The following CLCN5 variants were observed in gnomAD, a reference collection of about 807,000 sequenced individuals.
The protein encoded by CLCN5 is Cl-/H+ antiporter 5, also known as H(+)/Cl(-) exchange transporter 5.
A neutral mutation model predicts 54.0 loss-of-function variants in CLCN5; 17 were observed. The observed-to-expected ratio is 0.31, with a 90% CI of 0.22 to 0.47. CLCN5 has a LOEUF of 0.47. Ranked by LOEUF, CLCN5 falls within the 20% of genes least tolerant of loss-of-function variation. CLCN5 has a pLI of 1.00. For synonymous variants in CLCN5, 222 were observed against 233.0 expected, an observed-to-expected ratio of 0.95 and a Z score of 0.43; for missense variants, 448 against 646.7, an observed-to-expected ratio of 0.69 and a Z score of 3.33.
intron 4 of CLCN5, among the ~76,000 whole-genome samples, chrX:50,056,451 C>T (rs1462290377): frequency 1.8e-5 from 2 of 111,408 alleles, no homozygotes; most frequent in African/African-American, 3.3e-5. Flanking sequence ...GGGAGTGGGG[C>T]GCTGTTTACT....
At position 50,099,201 on chromosome X, in the gene CLCN5, T is replaced by TA. The variant is rs1934349635; in HGVS notation, c.*6983dup. 1 of 112,099 alleles carries TA rather than the reference T, an allele frequency of 8.9e-6. No homozygotes were observed. The allele number at this position is 112,099 out of a possible 1,213,427, so 9.2% of individuals were successfully genotyped here. On this transcript the variant is annotated 3_prime_UTR_variant, in exon 15 of 15. Transcript: ENST00000376091. ...TTTTCACTTAGCACAGATTTGTAAT[T>TA]ATGCATGTAATAAAGCACAGCCTTA...
At chrX:49,996,242 A>G (rs782565524) in intron 3 of CLCN5, among the ~76,000 whole-genome samples, 2 of 112,090 alleles carry the variant, frequency 1.8e-5, no homozygotes, top group South Asian at 7.5e-4. Flanking sequence ...AGGATGAATT[A>G]CCAGTTTCTG....
intron 3 of CLCN5, among the ~76,000 whole-genome samples, chrX:49,980,314 A>G (rs916510520): frequency 5.4e-5 from 6 of 111,660 alleles, no homozygotes; most frequent in Non-Finnish European, 1.1e-4. Flanking sequence ...TGCTTTTTTA[A>G]AAGTATATTT....
At chrX:50,005,057 A>G (rs1474751010) in intron 3 of CLCN5, among the ~76,000 whole-genome samples, 2 of 112,158 alleles carry the variant, frequency 1.8e-5, no homozygotes, top group African/African-American at 6.5e-5. Context: ...GTCCCTTTGA[A>G]TTATATCTTT....
At chrX:50,070,908 G>A (rs1438575624) in intron 5 of CLCN5, among the ~76,000 whole-genome samples, 1 of 111,290 alleles carries the variant, frequency 9.0e-6, no homozygotes, top group Non-Finnish European at 1.9e-5. Flanking sequence ...CACGTGGAGA[G>A]CTTATTAAAA....
chrX:50,028,319 T>C (rs782600052), intron 3 of CLCN5, among the ~76,000 whole-genome samples: 1 of 112,144 alleles, frequency 8.9e-6, no homozygotes, highest in Admixed American at 9.4e-5. Context: ...CCCCTCCCCC[T>C]GCTGGAAGCA....
intron 3 of CLCN5, among the ~76,000 whole-genome samples, chrX:50,033,005 A>G (rs1442726557): frequency 9.0e-6 from 1 of 110,877 alleles, no homozygotes; most frequent in African/African-American, 3.3e-5. Flanking sequence ...TGTTTTTGTC[A>G]GGTTTGTCAA....
chrX:50,086,597 A>G lies in CLCN5; in HGVS notation c.1284A>G (p.Ile428Met), dbSNP rs1557193979. The G allele has an allele frequency of 8.3e-7, 1 of 1,211,102 alleles. No homozygotes were observed. The change falls in exon 11 of 15, where the codon ATA becomes ATG. Residue 428 changes from isoleucine (I) to methionine (M), a missense_variant. By Grantham distance (10) the Ile-to-Met change is conservative (BLOSUM62 1). Coordinates refer to ENST00000376091, the MANE Select transcript of CLCN5 (RefSeq NM_001127898.4). ...CCCAGTTGGGCAAGTATCCTGTTAT[A>G]GAGGTACTCGTCGTGACAGCCATCA... ...KTTQLGKYPV[I>M]EVLVVTAITA...
At chrX:49,979,884 CCTAT>C (rs1302110679) in intron 3 of CLCN5, among the ~76,000 whole-genome samples, 1 of 110,613 alleles carries the variant, frequency 9.0e-6, no homozygotes, top group Non-Finnish European at 1.9e-5. Context: ...ACCTGTTTCC[CCTAT>C]CTAACTGAAA....
chrX:50,017,784 A>G (rs1381768623), intron 3 of CLCN5, among the ~76,000 whole-genome samples: 1 of 111,144 alleles, frequency 9.0e-6, no homozygotes, highest in African/African-American at 3.3e-5. Context: ...TCAAAGATCC[A>G]TTGACTATAT....
At chrX:49,958,881 C>T (rs1288578606) in intron 3 of CLCN5, among the ~76,000 whole-genome samples, 2 of 111,857 alleles carry the variant, frequency 1.8e-5, no homozygotes, top group Non-Finnish European at 3.8e-5. Flanking sequence ...TACTTGCTTG[C>T]TCGCTCGCTC....
chrX:50,035,893 T>G (rs1931973508), intron 3 of CLCN5, among the ~76,000 whole-genome samples: 1 of 112,784 alleles, frequency 8.9e-6, no homozygotes, highest in East Asian at 2.8e-4. Context: ...TTCCCCTGTT[T>G]GCTGTCCTTC....
At chrX:49,977,149 T>G (rs1187379353) in intron 3 of CLCN5, among the ~76,000 whole-genome samples, 2 of 111,025 alleles carry the variant, frequency 1.8e-5, no homozygotes, top group African/African-American at 6.6e-5. Context: ...AGAAGCTGTT[T>G]ATTGAGTGGA....
intron 3 of CLCN5, among the ~76,000 whole-genome samples, chrX:50,028,680 G>C (rs141805233): frequency 0.015 from 1,641 of 111,761 alleles, 25 homozygotes; most frequent in Non-Finnish European, 0.023. Context: ...TTGTGGGGAT[G>C]GGAGTGATGA....
intron 3 of CLCN5, among the ~76,000 whole-genome samples, chrX:50,017,684 T>G (rs782687763): frequency 1.4e-5 from 1 of 72,865 alleles, no homozygotes; most frequent in Admixed American, 1.3e-4. Flanking sequence ...TCTAGATTCA[T>G]TTTTTTTTTT....
rs1267477223 is a variant in CLCN5 at position 49,922,732 on chromosome X, A to G, written c.-265A>G. 8.9e-6 allele frequency: 1 copy of G among 112,869 alleles called. No homozygotes were observed. The highest frequency in any genetic ancestry group is 1.9e-5 in the Non-Finnish European group (1 of 53,267). The allele number at this position is 112,869 out of a possible 1,213,427, so 9.3% of individuals were successfully genotyped here. On this transcript the variant is annotated 5_prime_UTR_variant, in exon 1 of 15. Transcript: ENST00000376091. ...CTTGGTGTCCTGGACGCCAGAGCCGACCGAGCGCGCTGCCCACCGGCGGCG... is the reference window on the plus strand; with the variant it reads ...CTTGGTGTCCTGGACGCCAGAGCCGGCCGAGCGCGCTGCCCACCGGCGGCG...
intron 4 of CLCN5, among the ~76,000 whole-genome samples, chrX:50,049,036 C>T (rs1397514330): frequency 9.0e-6 from 1 of 111,190 alleles, no homozygotes; most frequent in African/African-American, 3.3e-5. Flanking sequence ...CTAGCCTCCT[C>T]CCTTTGCTTG....
intron 3 of CLCN5, chrX:50,008,437 C>T (rs1602043767): frequency 2.9e-6 from 1 of 348,290 alleles, no homozygotes; most frequent in Non-Finnish European, 6.0e-6. Flanking sequence ...TTCTGCTCCC[C>T]CTCTCTAATC....
intron 3 of CLCN5, among the ~76,000 whole-genome samples, chrX:50,005,651 T>C (rs1489398433): frequency 8.9e-6 from 1 of 112,180 alleles, no homozygotes; most frequent in East Asian, 2.8e-4. Context: ...TCCATTGCAG[T>C]TCTTGCCTTC....
Sources: allele counts gnomAD v4.1 joint callset (sites outside exome capture counted in the v4.1 genomes callset), GRCh38; gene constraint gnomAD v4.1.1; transcripts MANE v1.5; gene names NCBI Gene and HGNC (gene_info 2026-07-23, HGNC 2026-07-21).